GABBR2: variants seen among roughly 807,000 people sequenced by gnomAD.
The protein encoded by GABBR2 is G-protein coupled receptor 51.
In GABBR2, 23 loss-of-function variants were observed where a neutral mutation model predicts 105.6. The ratio of observed to expected loss-of-function variants is 0.22; its 90% confidence interval spans 0.16 to 0.31. The LOEUF (loss-of-function observed/expected upper bound fraction) is 0.31. Among genes scored for constraint, GABBR2 ranks in the 10% least tolerant of loss-of-function variants. The pLI is 1.00. For synonymous variants in GABBR2, 478 were observed against 499.7 expected (o/e 0.96, Z 0.58); for missense variants, 734 against 1,245.5 (o/e 0.59, Z 6.18).
chr9:98,572,704 A>G (rs1329920843), intron 2 of GABBR2, among the ~76,000 whole-genome samples: 1 of 152,168 alleles, frequency 6.6e-6, no homozygotes, highest in African/African-American at 2.4e-5. Flanking sequence ...CCAGGCTCCC[A>G]GGCTACTCCC....
At chr9:98,625,789 C>T (rs1829729322) in intron 1 of GABBR2, among the ~76,000 whole-genome samples, 1 of 152,218 alleles carries the variant, frequency 6.6e-6, no homozygotes, top group South Asian at 2.1e-4. Context: ...ATTTAGGCAA[C>T]TCTCTCCTTT....
intron 13 of GABBR2, among the ~76,000 whole-genome samples, chr9:98,316,518 T>C (rs1830721484): frequency 6.6e-6 from 1 of 152,254 alleles, no homozygotes; most frequent in Non-Finnish European, 1.5e-5. Context: ...CATTCATTCA[T>C]TCATTCATAC....
intron 1 of GABBR2, among the ~76,000 whole-genome samples, chr9:98,598,623 C>T (rs1459683514): frequency 3.2e-5 from 4 of 125,262 alleles, no homozygotes; most frequent in Admixed American, 1.0e-4. Flanking sequence ...AGTGTCTGTA[C>T]GACAGATCTA....
intron 13 of GABBR2, among the ~76,000 whole-genome samples, chr9:98,344,688 C>T (rs1447420608): frequency 6.6e-6 from 1 of 152,178 alleles, no homozygotes; most frequent in Non-Finnish European, 1.5e-5. Context: ...AATTCTCCTT[C>T]CCTGGCTCGT....
At chr9:98,588,980 C>T (rs1829111515) in intron 1 of GABBR2, among the ~76,000 whole-genome samples, 2 of 152,186 alleles carry the variant, frequency 1.3e-5, no homozygotes, top group African/African-American at 4.8e-5. Flanking sequence ...AGAAACCATC[C>T]CAAGGAGGGC....
chr9:98,495,351 G>A (rs984436150), intron 4 of GABBR2, among the ~76,000 whole-genome samples: 1 of 152,200 alleles, frequency 6.6e-6, no homozygotes, highest in African/African-American at 2.4e-5. Flanking sequence ...ACCCACACAA[G>A]ACAGAAGGGA....
At chr9:98,425,211 G>A (rs1294635822) in intron 7 of GABBR2, among the ~76,000 whole-genome samples, 1 of 150,358 alleles carries the variant, frequency 6.7e-6, no homozygotes, top group Non-Finnish European at 1.5e-5. Flanking sequence ...GGGATGAAAA[G>A]GAATGAATGG....
At chr9:98,565,397 G>C (rs1828738261) in intron 2 of GABBR2, among the ~76,000 whole-genome samples, 2 of 152,194 alleles carry the variant, frequency 1.3e-5, no homozygotes, top group South Asian at 4.1e-4. Context: ...AGAGGCCCAA[G>C]AGGGACGATG....
intron 13 of GABBR2, among the ~76,000 whole-genome samples, chr9:98,360,671 T>G (rs1228202059): frequency 1.3e-5 from 2 of 152,198 alleles, no homozygotes; most frequent in Non-Finnish European, 2.9e-5. Flanking sequence ...CAGTGCTTAT[T>G]ACAGAATAGA....
At chr9:98,695,706 C>A (rs1364378320) in intron 1 of GABBR2, among the ~76,000 whole-genome samples, 1 of 152,100 alleles carries the variant, frequency 6.6e-6, no homozygotes, top group Non-Finnish European at 1.5e-5. Flanking sequence ...TCCAGGTCAA[C>A]CCTCAAAATA....
At chr9:98,616,864 G>T (rs973854270) in intron 1 of GABBR2, among the ~76,000 whole-genome samples, 1 of 152,194 alleles carries the variant, frequency 6.6e-6, no homozygotes, top group East Asian at 1.9e-4. Context: ...GATAAGTGAG[G>T]TATTGATGTA....
chr9:98,615,834 G>A lies in GABBR2; in HGVS notation c.322-37762C>T, dbSNP rs562126962. Among the ~76,000 whole-genome samples, 11 of 152,276 alleles carry A rather than the reference G, an allele frequency of 7.2e-5. No homozygotes were observed. The East Asian group carries it at 1.9e-3, about 27-fold the overall frequency. ...GAGGGTCATTGCTCCCAGAACAAAA[G>A]CCACAGTCCAGAATGTGACTCCAGA... On this transcript the variant is annotated intron_variant, in intron 1 of 18. Coordinates refer to ENST00000259455, the MANE Select transcript of GABBR2 (RefSeq NM_005458.8).
intron 1 of GABBR2, among the ~76,000 whole-genome samples, chr9:98,605,914 T>C (rs963490390): frequency 2.6e-5 from 4 of 152,066 alleles, no homozygotes; most frequent in African/African-American, 9.7e-5. Flanking sequence ...CCTAATGCTA[T>C]CCCTCCCCCG....
intron 2 of GABBR2, among the ~76,000 whole-genome samples, chr9:98,546,705 A>G (rs1393911033): frequency 6.6e-6 from 1 of 152,234 alleles, no homozygotes; most frequent in Non-Finnish European, 1.5e-5. Flanking sequence ...GCATATGGAC[A>G]GATTTTAAAA....
chr9:98,288,543 TTTTG>T lies in GABBR2; in HGVS notation c.*2037_*2040del, dbSNP rs1242954196. The T allele has an allele frequency of 6.6e-6, 1 of 151,002 alleles. No individual in the cohort carries two copies. The highest frequency in any genetic ancestry group is 1.5e-5 in the Non-Finnish European group (1 of 67,414). The allele number at this position is 151,002 out of a possible 1,614,324, so 9.4% of individuals were successfully genotyped here. ...GAATAATATTTCTACAGGTATTTTT[TTTTG>T]TGTGTGTGTATACATTATGTACAAT... On this transcript the variant is annotated 3_prime_UTR_variant, in exon 19 of 19. Transcript: ENST00000259455.
chr9:98,420,755 G>A (rs1832768771), intron 7 of GABBR2, among the ~76,000 whole-genome samples: 1 of 152,182 alleles, frequency 6.6e-6, no homozygotes, highest in Admixed American at 6.5e-5. Flanking sequence ...CAGGCAAAAG[G>A]GAAGGTTGGG....
At chr9:98,339,366 G>A (rs1290103624) in intron 13 of GABBR2, among the ~76,000 whole-genome samples, 2 of 151,736 alleles carry the variant, frequency 1.3e-5, no homozygotes, top group South Asian at 4.1e-4. Context: ...CTTGGAAGGA[G>A]CAATGAGCTG....
chr9:98,323,725 C>G (rs1159855424), intron 13 of GABBR2, among the ~76,000 whole-genome samples: 2 of 152,192 alleles, frequency 1.3e-5, no homozygotes, highest in East Asian at 3.9e-4. Context: ...CTGGCATGGC[C>G]GTGCAGAGGC....
At chr9:98,482,723 G>A (rs1023329245) in intron 4 of GABBR2, among the ~76,000 whole-genome samples, 3 of 152,140 alleles carry the variant, frequency 2.0e-5, no homozygotes, top group Non-Finnish European at 4.4e-5. Flanking sequence ...TAATCTCCTG[G>A]AGCCTCAATT....
Sources: allele counts gnomAD v4.1 joint callset (sites outside exome capture counted in the v4.1 genomes callset), GRCh38; gene constraint gnomAD v4.1.1; transcripts MANE v1.5; gene names NCBI Gene and HGNC (gene_info 2026-07-23, HGNC 2026-07-21).